The following NDUFAF6 variants were observed in gnomAD, a reference collection of about 807,000 sequenced individuals.
NDUFAF6 encodes the protein NADH dehydrogenase (ubiquinone) complex I, assembly factor 6.
In NDUFAF6, 45 loss-of-function variants were observed where a neutral mutation model predicts 40.8. The ratio of observed to expected loss-of-function variants is 1.10; its 90% CI spans 0.87 to 1.42. The LOEUF is 1.42. NDUFAF6 is among the 40% of genes most tolerant of loss of function. The pLI is 0.00. For synonymous variants in NDUFAF6, 185 were observed against 155.9 expected, an observed-to-expected ratio of 1.19 and a Z score of -1.39; for missense variants, 435 against 418.5, an observed-to-expected ratio of 1.04 and a Z score of -0.34.
intron 1 of NDUFAF6, chr8:94,930,148 C>G (rs1820249664): frequency 4.2e-6 from 1 of 239,874 alleles, no homozygotes; most frequent in East Asian, 9.7e-5. Context: ...TGAAAGATGC[C>G]TATTCTCGTA....
chr8:95,061,143 A>AT (rs1412623421), downstream of NDUFAF6, among the ~76,000 whole-genome samples: 10 of 152,102 alleles, frequency 6.6e-5, no homozygotes, highest in East Asian at 5.8e-4. Flanking sequence ...AAGACTCTTG[A>AT]TTTTTTTGCC....
intron 1 of NDUFAF6, among the ~76,000 whole-genome samples, chr8:94,964,414 G>A (rs1586826987): frequency 2.1e-5 from 3 of 142,002 alleles, no homozygotes. Flanking sequence ...GGGCAACAGA[G>A]AGAGACCCTG....
chr8:95,087,931 C>T (rs555778999), intron 2 of NDUFAF6: 7 of 152,320 alleles, frequency 4.6e-5, no homozygotes, highest in Non-Finnish European at 1.0e-4. Context: ...CCTCTTCCTC[C>T]AGCTAATTGT....
upstream of NDUFAF6, chr8:95,023,065 T>A (rs1827757387): frequency 6.6e-6 from 1 of 152,258 alleles, no homozygotes; most frequent in South Asian, 2.1e-4. Flanking sequence ...CTTTTTCTTA[T>A]AAACTTTAAA....
rs555707025 is a variant in NDUFAF6, at chr8:94,933,271, G to A, written c.-935-12212G>A. 7.9e-5 allele frequency among the ~76,000 whole-genome samples: 12 copies of A among 152,290 alleles called. No individual in the cohort carries two copies. The East Asian group carries it at 2.1e-3, about 27-fold the overall frequency. On this transcript the variant is annotated intron_variant, in intron 1 of 14. Transcript: ENST00000396113. ...TGACCCTTTATATATGGAAAAGTATGTATTTGTTTTACTATCCCTATATAA... is the reference window on the plus strand; with the variant it reads ...TGACCCTTTATATATGGAAAAGTATATATTTGTTTTACTATCCCTATATAA...
intron 2 of NDUFAF6, among the ~76,000 whole-genome samples, chr8:95,012,638 T>C (rs1827271328): frequency 1.1e-5 from 1 of 92,892 alleles, no homozygotes; most frequent in Non-Finnish European, 2.5e-5. Flanking sequence ...CAAGACTCTG[T>C]CTCTAAAATA....
At chr8:94,984,851 G>C (rs565274730) in intron 2 of NDUFAF6, among the ~76,000 whole-genome samples, 1 of 152,286 alleles carries the variant, frequency 6.6e-6, no homozygotes, top group South Asian at 2.1e-4. Flanking sequence ...TTAAGAGCTG[G>C]ATGAATCTTA....
intron 1 of NDUFAF6, among the ~76,000 whole-genome samples, chr8:94,936,122 G>A (rs1443388020): frequency 1.3e-5 from 2 of 152,106 alleles, no homozygotes; most frequent in African/African-American, 4.8e-5. Context: ...ATTTCCACAT[G>A]AGAGGCATTT....
chr8:94,957,060 T>C (rs1221594303), upstream of NDUFAF6, among the ~76,000 whole-genome samples: 1 of 152,112 alleles, frequency 6.6e-6, no homozygotes, highest in Non-Finnish European at 1.5e-5. Context: ...TAATCCCAGC[T>C]GCACGGGAGG....
chr8:95,088,732 CTTT>C (rs869072993), intron 2 of NDUFAF6, among the ~76,000 whole-genome samples: 51,171 of 124,804 alleles, frequency 0.41, 9,781 homozygotes, highest in East Asian at 0.62. Flanking sequence ...TGTGTGTTTT[CTTT>C]TTGTTTTCTT....
chr8:95,088,448 T>G (rs1809122790), intron 2 of NDUFAF6, among the ~76,000 whole-genome samples: 1 of 152,130 alleles, frequency 6.6e-6, no homozygotes, highest in East Asian at 1.9e-4. Context: ...TGGATTCCGC[T>G]CTCTTCTACC....
intron 4 of NDUFAF6, among the ~76,000 whole-genome samples, chr8:95,109,997 G>A (rs1809952474): frequency 6.6e-6 from 1 of 152,120 alleles, no homozygotes. Context: ...CTGGATTGTG[G>A]TAAAAAGCAT....
rs1818238227 is a variant in NDUFAF6 at position 94,904,320 on chromosome 8, C to CTCT, written c.-936+8394_-936+8395insCTT. 1.4e-3 allele frequency among the ~76,000 whole-genome samples: 48 copies of CTCT among 34,136 alleles called. 2 individuals carry two copies. Among genetic ancestry groups the CTCT allele is most frequent in the African/African-American group, 3.0e-3 (20 of 6,580 alleles). 22.4% of individuals were successfully genotyped at this position (34,136 alleles called of 152,430 possible). ...CATCACACCTGGCTAATTTTTTTTG[C>CTCT]TTTTTTTTTTTTTTTTTTTTTTTTT... On this transcript the variant is annotated intron_variant, in intron 1 of 14. Coordinates refer to the NDUFAF6 transcript ENST00000396113.
At chr8:94,901,877 GC>G (rs1207408855) in intron 1 of NDUFAF6, among the ~76,000 whole-genome samples, 1 of 152,138 alleles carries the variant, frequency 6.6e-6, no homozygotes, top group African/African-American at 2.4e-5. Flanking sequence ...AAGCCACTGT[GC>G]CCAGCCTTTT....
At chr8:95,000,650 T>C (rs1198349179) in intron 2 of NDUFAF6, among the ~76,000 whole-genome samples, 1 of 134,774 alleles carries the variant, frequency 7.4e-6, no homozygotes, top group African/African-American at 2.8e-5. Context: ...AAAAAAAAAA[T>C]TCTGGCTGGG....
Position 95,047,084 on chromosome 8 carries a change from G to A in NDUFAF6, c.671G>A (p.Gly224Glu). 1 of 1,614,152 alleles carries A rather than the reference G, an allele frequency of 6.2e-7. No homozygotes were observed. Among genetic ancestry groups the A allele is most frequent in the Middle Eastern group, 1.6e-4 (1 of 6,062 alleles). Residue 224 changes from glycine to glutamate, a missense_variant, in exon 6 of 9, where the codon GGG (glycine) becomes GAG (glutamate). Gly to Glu is a moderately conservative substitution (Grantham distance 98). Transcript: ENST00000396124. ...VTCLRATPYHGSRRKVFLPMD... is the reference protein window; with the variant it reads ...VTCLRATPYHESRRKVFLPMD... ...TGCTTGAGAGCAACACCATATCATG[G>A]GAGCAGAAGAAAGGTGTTCCTTCCC...
intron 1 of NDUFAF6, among the ~76,000 whole-genome samples, chr8:95,025,555 T>C (rs960377236): frequency 6.6e-6 from 1 of 152,242 alleles, no homozygotes; most frequent in Non-Finnish European, 1.5e-5. Flanking sequence ...GAGTTCTTTC[T>C]GTGTGCCTGG....
intron 4 of NDUFAF6, among the ~76,000 whole-genome samples, chr8:95,110,185 G>C (rs1270515086): frequency 6.6e-6 from 1 of 151,590 alleles, no homozygotes; most frequent in Non-Finnish European, 1.5e-5. Context: ...CTTTAGTTTG[G>C]AGTCACAGAA....
downstream of NDUFAF6, among the ~76,000 whole-genome samples, chr8:95,060,577 G>A (rs539655786): frequency 2.0e-5 from 3 of 152,250 alleles, no homozygotes; most frequent in South Asian, 2.1e-4. Flanking sequence ...GGTGTACTTC[G>A]CACTTTTATG....
Sources: allele counts gnomAD v4.1 joint callset (sites outside exome capture counted in the v4.1 genomes callset), GRCh38; gene constraint gnomAD v4.1.1; transcripts MANE v1.5; gene names NCBI Gene and HGNC (gene_info 2026-07-23, HGNC 2026-07-21).